The following MAP2K6 variants were observed in gnomAD, a reference collection of about 807,000 sequenced individuals.
MAP2K6 encodes the protein mitogen-activated protein kinase kinase 6, also known as dual specificity mitogen-activated protein kinase kinase 6.
Under a neutral mutation model 53.7 loss-of-function variants are expected in MAP2K6, and 16 were observed. The observed-to-expected ratio is 0.30, with a 90% CI of 0.20 to 0.45. The LOEUF (loss-of-function observed/expected upper bound fraction) is 0.45. MAP2K6 is among the 20% of genes least tolerant of loss of function. The probability of loss-of-function intolerance (pLI) is 1.00; values close to 1 mark genes in which losing one functional copy is unlikely to be tolerated. For missense variants in MAP2K6, 204 were observed against 411.9 expected (o/e 0.50, Z 4.37); for synonymous variants, 132 against 143.1 (o/e 0.92, Z 0.55).
At position 69,548,282 on chromosome 17, in the gene MAP2K6, A is replaced by C. The variant is rs1402561791; in HGVS notation, c.*6529A>C. On this transcript the variant is annotated 3_prime_UTR_variant, in exon 12 of 12. Coordinates refer to ENST00000590474, the MANE Select transcript of MAP2K6 (RefSeq NM_002758.4). ...TGGGTTGCTGGCCCTAGTTGAATTT[A>C]TGGGCCCTGAAGCCTCTAGTGGAAA... The C allele has an allele frequency of 1.3e-5, 2 of 152,118 alleles. No individual in the cohort carries two copies. The highest frequency in any genetic ancestry group is 4.8e-5 in the African/African-American group (2 of 41,418). The allele number at this position is 152,118 out of a possible 1,614,324, so 9.4% of individuals were successfully genotyped here. A position where few individuals can be genotyped will look rare whatever the true frequency, so the allele number is the denominator to read the frequency against.
At chr17:69,520,673 T>G in intron 6 of MAP2K6, 1 of 383,604 alleles carries the variant, frequency 2.6e-6, no homozygotes, top group Non-Finnish European at 4.6e-6. Flanking sequence ...TAGTTTATTT[T>G]GATTTTCATT....
rs139170058 is a variant in MAP2K6, at chr17:69,520,089, G to T, written c.367-181G>T. 1.7e-4 allele frequency: 98 copies of T among 561,098 alleles called. 1 individual carries two copies. In the African/African-American group the frequency reaches 1.8e-3, roughly 10 times the overall value. The allele number at this position is 561,098 out of a possible 1,614,324, so 34.8% of individuals were successfully genotyped here. A position where few individuals can be genotyped will look rare whatever the true frequency, so the allele number is the denominator to read the frequency against. ...TTGGCTACCTACTGGTTTGCTCTTTGTAGATAACCTTGCTTATTTGTAAAT... is the reference window on the plus strand; with the variant it reads ...TTGGCTACCTACTGGTTTGCTCTTTTTAGATAACCTTGCTTATTTGTAAAT... On this transcript the variant is annotated intron_variant, in intron 5 of 11. Transcript: ENST00000590474.
At chr17:69,472,536 A>G (rs1384950221) in intron 1 of MAP2K6, among the ~76,000 whole-genome samples, 1 of 152,106 alleles carries the variant, frequency 6.6e-6, no homozygotes, top group Non-Finnish European at 1.5e-5. Context: ...ATTAGTGGGC[A>G]TGTCTACATT....
At chr17:69,514,108 TAAA>T (rs35309500) in intron 2 of MAP2K6, among the ~76,000 whole-genome samples, 4 of 144,250 alleles carry the variant, frequency 2.8e-5, no homozygotes, top group African/African-American at 5.1e-5. Flanking sequence ...GACTCTGTCT[TAAA>T]AAAAAAAAAA....
At chr17:69,513,022 T>C (rs556272565) in intron 2 of MAP2K6, among the ~76,000 whole-genome samples, 9 of 152,168 alleles carry the variant, frequency 5.9e-5, no homozygotes, top group Non-Finnish European at 1.2e-4. Flanking sequence ...AGCTTGGTTC[T>C]TTCCCCAGAG....
rs371817367 is a variant in MAP2K6, at chr17:69,464,965, C to T, written c.17-40815C>T. Among the ~76,000 whole-genome samples, 7 of 152,276 alleles carry T rather than the reference C, an allele frequency of 4.6e-5. No homozygotes were observed. In the East Asian group the frequency reaches 9.6e-4, roughly 21 times the overall value. ...TCCTGACCTTGTGATCCCTCCGCCT[C>T]GGCCTCCCGAAGTGCTGGGATTATA... On this transcript the variant is annotated intron_variant, in intron 1 of 11. Transcript: ENST00000590474.
chr17:69,457,783 G>A (rs1275200284), intron 1 of MAP2K6, among the ~76,000 whole-genome samples: 1 of 152,188 alleles, frequency 6.6e-6, no homozygotes, highest in Admixed American at 6.5e-5. Context: ...CTGGGTAACA[G>A]AGTGAGATGC....
At chr17:69,449,517 GTCTTTCTTTCTTTGTCTTTCTTTCTT>G (rs1907102613) in intron 1 of MAP2K6, among the ~76,000 whole-genome samples, 1 of 97,050 alleles carries the variant, frequency 1.0e-5, no homozygotes, top group African/African-American at 5.8e-5. Flanking sequence ...TTCTTTCTTT[GTCTTTCTTTCTTTGTCTTTCTTTCTT>G]TCTTTCTTTC....
intron 2 of MAP2K6, among the ~76,000 whole-genome samples, chr17:69,506,408 G>GTT (rs35559627): frequency 2.8e-5 from 4 of 142,262 alleles, no homozygotes; most frequent in Non-Finnish European, 3.1e-5. Flanking sequence ...TCTCCTTCTT[G>GTT]TTTTTTTTTT....
intron 10 of MAP2K6, among the ~76,000 whole-genome samples, chr17:69,533,794 C>T (rs1911215093): frequency 6.7e-6 from 1 of 148,688 alleles, no homozygotes; most frequent in Non-Finnish European, 1.5e-5. Context: ...CCTGGGATCA[C>T]ATTGCTTCTT....
intron 1 of MAP2K6, among the ~76,000 whole-genome samples, chr17:69,465,623 C>CT (rs142876473): frequency 0.56 from 81,142 of 144,170 alleles, 23,490 homozygotes; most frequent in African/African-American, 0.73. Context: ...TTGTTTTTTT[C>CT]TTTTTTTTTT....
At chr17:69,504,019 C>T (rs1432250988) in intron 1 of MAP2K6, among the ~76,000 whole-genome samples, 1 of 152,154 alleles carries the variant, frequency 6.6e-6, no homozygotes, top group Non-Finnish European at 1.5e-5. Flanking sequence ...TCTTCTATTG[C>T]AGGATAGTAG....
At chr17:69,449,153 G>T (rs1186326972) in intron 1 of MAP2K6, among the ~76,000 whole-genome samples, 1 of 152,200 alleles carries the variant, frequency 6.6e-6, no homozygotes, top group East Asian at 1.9e-4. Context: ...CTTACTAGCT[G>T]TGTAGTCTTA....
chr17:69,530,908 GA>G (rs1335561947), intron 10 of MAP2K6, among the ~76,000 whole-genome samples: 1 of 152,160 alleles, frequency 6.6e-6, no homozygotes, highest in East Asian at 1.9e-4. Flanking sequence ...TTGGTGGAAA[GA>G]ATGGAAAAGT....
chr17:69,551,328 A>G lies in MAP2K6; in HGVS notation c.*9575A>G, dbSNP rs1980177250. 1 of 152,266 alleles carries G rather than the reference A, an allele frequency of 6.6e-6. No homozygotes were observed. Among genetic ancestry groups the G allele is most frequent in the Non-Finnish European group, 1.5e-5 (1 of 68,084 alleles). The allele number at this position is 152,266 out of a possible 1,614,324, so 9.4% of individuals were successfully genotyped here. On this transcript the variant is annotated 3_prime_UTR_variant, in exon 12 of 12. Transcript: ENST00000590474. The stretch of plus-strand genomic sequence containing the variant: ...AAAGGTGTTGTAGGTGGAGAAGGGT[A>G]ATGGAAACCTGGTACAGCCTTTAGA...
intron 1 of MAP2K6, among the ~76,000 whole-genome samples, chr17:69,482,649 T>A (rs1440291982): frequency 1.3e-5 from 2 of 151,640 alleles, no homozygotes; most frequent in African/African-American, 4.8e-5. Flanking sequence ...CTCCATAGCA[T>A]TCCATTGTTG....
At position 69,549,162 on chromosome 17, in the gene MAP2K6, G is replaced by C. The variant is rs1015172540; in HGVS notation, c.*7409G>C. On this transcript the variant is annotated 3_prime_UTR_variant, in exon 12 of 12. Coordinates refer to ENST00000590474, the MANE Select transcript of MAP2K6 (RefSeq NM_002758.4). ...TTTACAGTTAAATTTTGGAAGAATT[G>C]TGTTGTATTTCTTTCTTAGATGTTG... 6.6e-6 allele frequency: 1 copy of C among 152,188 alleles called. No individual in the cohort carries two copies. Among genetic ancestry groups the C allele is most frequent in the African/African-American group, 2.4e-5 (1 of 41,452 alleles). 9.4% of individuals were successfully genotyped at this position (152,188 alleles called of 1,614,324 possible). A position where few individuals can be genotyped will look rare whatever the true frequency, so the allele number is the denominator to read the frequency against.
chr17:69,508,917 G>A (rs1909667541), intron 2 of MAP2K6, among the ~76,000 whole-genome samples: 1 of 152,158 alleles, frequency 6.6e-6, no homozygotes, highest in Admixed American at 6.5e-5. Context: ...TACCAATTGG[G>A]CATATTTGTT....
intron 1 of MAP2K6, among the ~76,000 whole-genome samples, chr17:69,430,046 G>T (rs1403836096): frequency 6.6e-6 from 1 of 152,180 alleles, no homozygotes; most frequent in East Asian, 1.9e-4. Flanking sequence ...AATAAAATAG[G>T]CCGGGCACAG....
Sources: allele counts gnomAD v4.1 joint callset (sites outside exome capture counted in the v4.1 genomes callset), GRCh38; gene constraint gnomAD v4.1.1; transcripts MANE v1.5; gene names NCBI Gene and HGNC (gene_info 2026-07-23, HGNC 2026-07-21).